JPH3: variants seen among roughly 807,000 people sequenced by gnomAD.
JPH3 encodes junctophilin-3.
A neutral mutation model predicts 59.6 loss-of-function variants in JPH3; 11 were observed. The observed-to-expected ratio is 0.18, with a 90% CI of 0.12 to 0.31. The LOEUF is 0.31. Ranked by LOEUF, JPH3 falls within the 10% of genes least tolerant of loss-of-function variation. JPH3 has a pLI of 1.00. For synonymous variants in JPH3, 673 were observed against 483.6 expected (o/e 1.39, Z -5.14); for missense variants, 1,202 against 1,105.7 (o/e 1.09, Z -1.24).
At chr16:87,695,492 C>A (rs1175464496) in intron 4 of JPH3, 4 of 455,300 alleles carry the variant, frequency 8.8e-6, no homozygotes, top group Non-Finnish European at 1.3e-5. Flanking sequence ...ACAGTGGGGT[C>A]TACATCTCCT....
intron 2 of JPH3, among the ~76,000 whole-genome samples, chr16:87,674,754 A>G (rs1416264448): frequency 6.6e-6 from 1 of 152,042 alleles, no homozygotes; most frequent in East Asian, 1.9e-4. Context: ...TTACTTTTGT[A>G]TATTTTTATT....
chr16:87,605,362 A>G (rs1361371513), intron 1 of JPH3, among the ~76,000 whole-genome samples: 1 of 152,182 alleles, frequency 6.6e-6, no homozygotes, highest in Non-Finnish European at 1.5e-5. Flanking sequence ...AATGTTTGCT[A>G]TGAGCCAGGT....
intron 2 of JPH3, 66 bp from the exon 3 acceptor site, chr16:87,684,076 C>T: frequency 1.6e-6 from 2 of 1,277,754 alleles, no homozygotes; most frequent in Non-Finnish European, 2.3e-6. Flanking sequence ...TGGCAGAGTA[C>T]CTCAACCCAG....
At chr16:87,607,353 C>G (rs1209266650) in intron 1 of JPH3, among the ~76,000 whole-genome samples, 1 of 152,228 alleles carries the variant, frequency 6.6e-6, no homozygotes, top group Non-Finnish European at 1.5e-5. Context: ...GCCTCTCCCC[C>G]TCATACTCAG....
intron 1 of JPH3, among the ~76,000 whole-genome samples, chr16:87,624,447 C>T (rs1165422291): frequency 6.6e-6 from 1 of 152,196 alleles, no homozygotes; most frequent in Non-Finnish European, 1.5e-5. Flanking sequence ...TGTTGCCCAG[C>T]GTTGTTTTCA....
intron 3 of JPH3, among the ~76,000 whole-genome samples, chr16:87,689,274 G>A (rs1243267508): frequency 6.6e-6 from 1 of 152,182 alleles, no homozygotes; most frequent in Non-Finnish European, 1.5e-5. Context: ...CAGCTAGGGT[G>A]AGGGGCTTCC....
At chr16:87,631,096 A>G (rs1350323842) in intron 1 of JPH3, among the ~76,000 whole-genome samples, 1 of 152,156 alleles carries the variant, frequency 6.6e-6, no homozygotes, top group Non-Finnish European at 1.5e-5. Context: ...TCTCAAATGC[A>G]GCTTGCACTT....
intron 1 of JPH3, among the ~76,000 whole-genome samples, chr16:87,640,587 T>C (rs1424323804): frequency 6.6e-6 from 1 of 151,904 alleles, no homozygotes; most frequent in Non-Finnish European, 1.5e-5. Flanking sequence ...GAGACAGGAT[T>C]TCACTATGTT....
At chr16:87,668,099 C>T (rs954671803) in intron 2 of JPH3, among the ~76,000 whole-genome samples, 1 of 152,224 alleles carries the variant, frequency 6.6e-6, no homozygotes. Context: ...GAGCGCAGCG[C>T]CCGGCTCCGT....
chr16:87,627,431 A>G (rs971563528), intron 1 of JPH3, among the ~76,000 whole-genome samples: 1 of 152,172 alleles, frequency 6.6e-6, no homozygotes, highest in Admixed American at 6.5e-5. Flanking sequence ...GAGACCACCC[A>G]TGGATTTTAT....
intron 2 of JPH3, among the ~76,000 whole-genome samples, chr16:87,668,333 G>A (rs556961066): frequency 6.6e-6 from 1 of 152,190 alleles, no homozygotes; most frequent in Admixed American, 6.5e-5. Flanking sequence ...TCCCTTCTCT[G>A]TGTAGCCTGA....
intron 2 of JPH3, among the ~76,000 whole-genome samples, chr16:87,657,245 A>G (rs1182725149): frequency 6.6e-6 from 1 of 152,236 alleles, no homozygotes; most frequent in Admixed American, 6.5e-5. Context: ...CAGTATCTTA[A>G]GGTCTGACAC....
rs2030733673 is a variant in JPH3, at chr16:87,611,563, A to C, written c.382+8035A>C. ...ACCCAGGGAAGGCTCGCTGGTGCAA[A>C]TGCTTTCCAAAAACACCGAGAGTCG... is the stretch of plus-strand genomic sequence containing the variant. On this transcript the variant is annotated intron_variant, in intron 1 of 4. Coordinates refer to ENST00000284262, the MANE Select transcript of JPH3 (RefSeq NM_020655.4). This position sits in a 1 kb window ranked among gnomAD's most constrained non-coding sequence, Gnocchi z 4.5. Among the ~76,000 whole-genome samples, 1 of 152,028 alleles carries C rather than the reference A, an allele frequency of 6.6e-6. No individual in the cohort carries two copies. The highest frequency in any genetic ancestry group is 1.5e-5 in the Non-Finnish European group (1 of 67,998).
At chr16:87,612,925 C>T (rs930658045) in intron 1 of JPH3, among the ~76,000 whole-genome samples, 2 of 151,464 alleles carry the variant, frequency 1.3e-5, no homozygotes, top group Non-Finnish European at 2.9e-5. Flanking sequence ...ACTCTGGAGG[C>T]TGAGGCAGGA....
chr16:87,610,499 T>C (rs955565957), intron 1 of JPH3, among the ~76,000 whole-genome samples: 1 of 152,156 alleles, frequency 6.6e-6, no homozygotes, highest in Non-Finnish European at 1.5e-5. Context: ...CAATAAATAT[T>C]TGTGGAATGA....
chr16:87,640,455 A>C (rs1190227903), intron 1 of JPH3, among the ~76,000 whole-genome samples: 1 of 151,570 alleles, frequency 6.6e-6, no homozygotes, highest in Non-Finnish European at 1.5e-5. Flanking sequence ...CAGTGGCATG[A>C]TCTGTGCTCA....
chr16:87,676,849 A>G (rs2033152843), intron 2 of JPH3, among the ~76,000 whole-genome samples: 1 of 151,680 alleles, frequency 6.6e-6, no homozygotes, highest in Admixed American at 6.6e-5. Flanking sequence ...CAGCCTGACC[A>G]ACATGGCGAA....
rs906425144 is a variant in JPH3 at position 87,611,296 on chromosome 16, G to A, written c.382+7768G>A. ...AGGGCAGGGACCTGAGGAGGGGCAG[G>A]GCAGGTGTGTGTGTCCCTGAAGGAG... On this transcript the variant is annotated intron_variant, in intron 1 of 4. Coordinates refer to ENST00000284262, the MANE Select transcript of JPH3 (RefSeq NM_020655.4). This position sits in a 1 kb window ranked among gnomAD's most constrained non-coding sequence, Gnocchi z 4.5. Among the ~76,000 whole-genome samples the A allele has an allele frequency of 2.0e-5, 3 of 152,198 alleles. No homozygotes were observed. Among genetic ancestry groups the A allele is most frequent in the African/African-American group, 7.2e-5 (3 of 41,460 alleles).
intron 3 of JPH3, among the ~76,000 whole-genome samples, chr16:87,684,861 A>C (rs1379222105): frequency 7.7e-6 from 1 of 129,830 alleles, no homozygotes; most frequent in Non-Finnish European, 1.6e-5. Flanking sequence ...GCCCAGTGAC[A>C]GTGGCGGGGG....
Sources: allele counts gnomAD v4.1 joint callset (sites outside exome capture counted in the v4.1 genomes callset), GRCh38; gene constraint gnomAD v4.1.1; non-coding constraint Gnocchi (gnomAD v3.1); transcripts MANE v1.5; gene names NCBI Gene and HGNC (gene_info 2026-07-23, HGNC 2026-07-21).